The following INTS6 variants were observed in gnomAD, a reference collection of about 807,000 sequenced individuals.
INTS6 encodes integrator complex subunit 6.
A neutral mutation model predicts 104.9 loss-of-function variants in INTS6; 16 were observed. That is an observed-to-expected ratio of 0.15 (90% CI 0.10 to 0.23). INTS6 has a LOEUF of 0.23. Ranked by LOEUF, INTS6 falls within the 10% of genes least tolerant of loss-of-function variation. INTS6 has a pLI of 1.00. For missense variants in INTS6, 584 were observed against 1,062.8 expected (o/e 0.55, Z 6.26); for synonymous variants, 324 against 358.7 (o/e 0.90, Z 1.09).
chr13:51,405,633 A>G (rs894943226), intron 4 of INTS6, among the ~76,000 whole-genome samples: 10 of 152,116 alleles, frequency 6.6e-5, no homozygotes, highest in Non-Finnish European at 1.5e-4. Flanking sequence ...TTCAGAGTCT[A>G]AGTCTTACTA....
intron 3 of INTS6, chr13:51,447,192 T>C (rs1160528990): frequency 6.6e-6 from 1 of 152,202 alleles, no homozygotes; most frequent in Non-Finnish European, 1.5e-5. Context: ...TTAATAAATA[T>C]CAAACTCTTA....
At chr13:51,420,158 T>G (rs1220775383) in intron 4 of INTS6, among the ~76,000 whole-genome samples, 2 of 152,192 alleles carry the variant, frequency 1.3e-5, no homozygotes, top group Admixed American at 6.5e-5. Context: ...GATCAGAATT[T>G]CCTTTGTATA....
Position 51,361,954 on chromosome 13 carries a change from G to C in INTS6, c.*3798C>G. 1 of 1,611,424 alleles carries C rather than the reference G, an allele frequency of 6.2e-7. No individual in the cohort carries two copies. The highest frequency in any genetic ancestry group is 8.5e-7 in the Non-Finnish European group (1 of 1,178,506). On this transcript the variant is annotated 3_prime_UTR_variant, in exon 18 of 18. Transcript: ENST00000311234. Reference sequence around the variant, plus strand: ...TATCAGTGTCTCTCTAGCAACAAGGGCTCATTTGTCCACTATCCCCTCAAA... The same window carrying C: ...TATCAGTGTCTCTCTAGCAACAAGGCCTCATTTGTCCACTATCCCCTCAAA...
At chr13:51,444,005 A>G (rs901006283) in intron 3 of INTS6, 3 of 152,194 alleles carry the variant, frequency 2.0e-5, no homozygotes, top group African/African-American at 7.2e-5. Flanking sequence ...ATAATACATA[A>G]TTATCGATAT....
At chr13:51,366,265 T>C (rs1955686435) in intron 17 of INTS6, among the ~76,000 whole-genome samples, 1 of 151,984 alleles carries the variant, frequency 6.6e-6, no homozygotes, top group South Asian at 2.1e-4. Context: ...GAACAAAGTA[T>C]GAATATAATC....
At chr13:51,403,704 A>G (rs1171357999) in intron 4 of INTS6, among the ~76,000 whole-genome samples, 1 of 152,002 alleles carries the variant, frequency 6.6e-6, no homozygotes, top group Non-Finnish European at 1.5e-5. Flanking sequence ...TATTCTCATA[A>G]TCATGCTTCC....
chr13:51,420,536 A>C (rs1407029188), intron 4 of INTS6, among the ~76,000 whole-genome samples: 1 of 152,136 alleles, frequency 6.6e-6, no homozygotes, highest in Non-Finnish European at 1.5e-5. Context: ...AATGTCATTG[A>C]AATGATGCAG....
At chr13:51,335,438 T>G in the INTS6 span, among the ~76,000 whole-genome samples, 7 of 152,168 alleles carry the variant, frequency 4.6e-5, no homozygotes, top group Admixed American at 1.3e-4. Context: ...ATTAACAGAA[T>G]GAGATACGAC....
rs565799202 is a variant in INTS6, at chr13:51,354,230, C to T, written n.537G>A. On this transcript the variant is annotated non_coding_transcript_exon_variant, in exon 4 of 4. Transcript: ENST00000476666. ...GGTAGCAAAATGTAGGTGACTAGAGCATGGGCTCTGCACACACACAGGCTT... is the reference window on the plus strand; with the variant it reads ...GGTAGCAAAATGTAGGTGACTAGAGTATGGGCTCTGCACACACACAGGCTT... The T allele has an allele frequency of 3.3e-5, 5 of 152,100 alleles. No homozygotes were observed. In the East Asian group the frequency reaches 9.7e-4, roughly 29 times the overall value. 9.4% of individuals were successfully genotyped at this position (152,100 alleles called of 1,614,324 possible). A position where few individuals can be genotyped will look rare whatever the true frequency, so the allele number is the denominator to read the frequency against.
At chr13:51,448,796 C>A (rs181972994) in intron 3 of INTS6, 1 of 152,094 alleles carries the variant, frequency 6.6e-6, no homozygotes, top group African/African-American at 2.4e-5. Flanking sequence ...CAACTACTAA[C>A]GTTACATACA....
At position 51,376,038 on chromosome 13, in the gene INTS6, A is replaced by C. The variant is rs1955924513; in HGVS notation, c.1729+10T>G. 1 of 1,590,398 alleles carries C rather than the reference A, an allele frequency of 6.3e-7. No individual in the cohort carries two copies. Among genetic ancestry groups the C allele is most frequent in the Non-Finnish European group, 8.5e-7 (1 of 1,171,560 alleles). ...AATTAAAAATACCAGTATTGAAACT[A>C]TGTTCTAACCTTCGTCCTGTCCTTT... On this transcript the variant is annotated intron_variant, in intron 13 of 17. Coordinates refer to ENST00000311234, the MANE Select transcript of INTS6 (RefSeq NM_012141.3).
At chr13:51,376,233 A>T (rs2137893745) in intron 12 of INTS6, 59 bp from the exon 13 acceptor site, 1 of 1,404,038 alleles carries the variant, frequency 7.1e-7, no homozygotes, top group Non-Finnish European at 9.7e-7. Context: ...CAAGAGACTA[A>T]AATCTCTAGC....
chr13:51,404,341 T>C (rs938020075), intron 4 of INTS6, among the ~76,000 whole-genome samples: 2 of 147,950 alleles, frequency 1.4e-5, no homozygotes, highest in South Asian at 2.2e-4. Flanking sequence ...CCAACACACA[T>C]AGATACAAAG....
Position 51,449,697 on chromosome 13 carries a change from T to A in INTS6, c.339+1328A>T, listed in dbSNP as rs534338009. 8.1e-6 allele frequency: 8 copies of A among 985,368 alleles called. No individual in the cohort carries two copies. The East Asian group carries it at 9.1e-4, about 112-fold the overall frequency. 61.0% of individuals were successfully genotyped at this position (985,368 alleles called of 1,614,324 possible). On this transcript the variant is annotated intron_variant, in intron 3 of 17. Coordinates refer to ENST00000311234, the MANE Select transcript of INTS6 (RefSeq NM_012141.3). ...AAAACCTTAAGCAGTAAGACTGTGT[T>A]GCACTACATATCACAAAGGAATATA...
chr13:51,403,407 C>T (rs959806841), intron 4 of INTS6, among the ~76,000 whole-genome samples: 2 of 151,708 alleles, frequency 1.3e-5, no homozygotes, highest in African/African-American at 4.8e-5. Flanking sequence ...ACAGTGAAAC[C>T]CCATCTCTAC....
rs1310698833 is a variant in INTS6 at position 51,451,983 on chromosome 13, T to C, written c.184A>G (p.Ile62Val). 1.9e-6 allele frequency: 3 copies of C among 1,606,726 alleles called. No individual in the cohort carries two copies. Among genetic ancestry groups the C allele is most frequent in the South Asian group, 1.1e-5 (1 of 90,868 alleles). Residue 62 changes from isoleucine to valine, a missense_variant, in exon 2 of 18, where the codon ATC becomes GTC. Coordinates refer to ENST00000311234, the MANE Select transcript of INTS6 (RefSeq NM_012141.3). ...LVTFEEPPYA[I>V]KAGWKENHAT... ...GGGAGGGCGAGGGCTGTTACCTTGATAGCATAGGGCGGCTCTTCGAAAGTG... is the reference window on the plus strand; with the variant it reads ...GGGAGGGCGAGGGCTGTTACCTTGACAGCATAGGGCGGCTCTTCGAAAGTG...
intron 3 of INTS6, chr13:51,437,070 T>C (rs1470895113): frequency 1.3e-5 from 2 of 152,092 alleles, no homozygotes; most frequent in South Asian, 2.1e-4. Context: ...TGGGTAATAA[T>C]AACTTGGGAA....
the INTS6 span, among the ~76,000 whole-genome samples, chr13:51,345,409 A>G: frequency 6.6e-6 from 1 of 152,140 alleles, no homozygotes; most frequent in Non-Finnish European, 1.5e-5. Context: ...CCTGGCCAAC[A>G]TGGTGAAACC....
chr13:51,376,926 C>G (rs1456328751), intron 12 of INTS6, among the ~76,000 whole-genome samples: 1 of 152,152 alleles, frequency 6.6e-6, no homozygotes, highest in Non-Finnish European at 1.5e-5. Flanking sequence ...TGTTGGCATG[C>G]TAAGCCTACA....
Sources: allele counts gnomAD v4.1 joint callset (sites outside exome capture counted in the v4.1 genomes callset), GRCh38; gene constraint gnomAD v4.1.1; transcripts MANE v1.5; gene names NCBI Gene and HGNC (gene_info 2026-07-23, HGNC 2026-07-21).